WWOX: variants seen among roughly 807,000 people sequenced by gnomAD.
WWOX encodes the protein WW domain-containing oxidoreductase.
WWOX carries 69 observed loss-of-function variants against 46.2 expected under a neutral mutation model. The observed-to-expected ratio is 1.49, with a 90% CI of 1.23 to 1.82. The LOEUF is 1.82. Among genes scored for constraint, WWOX ranks in the 40% most tolerant of loss-of-function variants. The probability of loss-of-function intolerance (pLI) is 0.00; values close to 1 mark genes in which losing one functional copy is unlikely to be tolerated. For synonymous variants in WWOX, 359 were observed against 202.6 expected, an observed-to-expected ratio of 1.77 and a Z score of -6.56; for missense variants, 919 against 542.6, an observed-to-expected ratio of 1.69 and a Z score of -6.89.
chr16:78,527,600 G>A (rs925825714), intron 8 of WWOX, among the ~76,000 whole-genome samples: 2 of 152,132 alleles, frequency 1.3e-5, no homozygotes, highest in African/African-American at 4.8e-5. Flanking sequence ...AGCCAGACTT[G>A]TATCTCTTAA....
chr16:78,307,803 C>G (rs552698330), intron 5 of WWOX, among the ~76,000 whole-genome samples: 1 of 152,258 alleles, frequency 6.6e-6, no homozygotes, highest in African/African-American at 2.4e-5. Flanking sequence ...GATTGCTGCC[C>G]TCCTTGCTCT....
At chr16:78,965,501 T>C (rs192262127) in intron 8 of WWOX, among the ~76,000 whole-genome samples, 1 of 150,866 alleles carries the variant, frequency 6.6e-6, no homozygotes, top group African/African-American at 2.4e-5. Flanking sequence ...ACCCGGAAAG[T>C]AGCGGTTGCA....
intron 8 of WWOX, among the ~76,000 whole-genome samples, chr16:78,837,858 A>G (rs1410460602): frequency 6.6e-6 from 1 of 152,208 alleles, no homozygotes; most frequent in Admixed American, 6.5e-5. Flanking sequence ...TAGAAATATC[A>G]ATAAATATAA....
chr16:78,939,375 T>A (rs2045806751), intron 8 of WWOX, among the ~76,000 whole-genome samples: 1 of 152,194 alleles, frequency 6.6e-6, no homozygotes, highest in South Asian at 2.1e-4. Flanking sequence ...CTGGGATACT[T>A]TTTAGAATTT....
chr16:78,778,158 C>T (rs1211801519), intron 8 of WWOX, among the ~76,000 whole-genome samples: 1 of 151,994 alleles, frequency 6.6e-6, no homozygotes, highest in African/African-American at 2.4e-5. Context: ...CACCCCAAGT[C>T]ACACAGTTAG....
intron 8 of WWOX, among the ~76,000 whole-genome samples, chr16:78,583,028 G>C (rs1322984773): frequency 6.6e-6 from 1 of 152,194 alleles, no homozygotes; most frequent in East Asian, 1.9e-4. Flanking sequence ...AAGAGACCTA[G>C]GAATTCACAG....
chr16:78,402,370 C>G (rs1464770234), intron 6 of WWOX, among the ~76,000 whole-genome samples: 1 of 152,140 alleles, frequency 6.6e-6, no homozygotes, highest in Non-Finnish European at 1.5e-5. Flanking sequence ...ATTTGTTTAT[C>G]TGGTTGTCAG....
intron 4 of WWOX, among the ~76,000 whole-genome samples, chr16:78,127,798 T>C (rs1160197123): frequency 6.6e-6 from 1 of 152,176 alleles, no homozygotes; most frequent in African/African-American, 2.4e-5. Context: ...TGTTTGAATA[T>C]AGTTTTATTG....
intron 8 of WWOX, among the ~76,000 whole-genome samples, chr16:78,900,605 A>G (rs1039558219): frequency 6.6e-6 from 1 of 152,202 alleles, no homozygotes; most frequent in Non-Finnish European, 1.5e-5. Context: ...CCACAAAGTC[A>G]TAATCAGATA....
At chr16:78,499,483 AGATTTT>A (rs1383512528) in intron 8 of WWOX, among the ~76,000 whole-genome samples, 2 of 152,130 alleles carry the variant, frequency 1.3e-5, no homozygotes, top group African/African-American at 4.8e-5. Context: ...GGACTCATGG[AGATTTT>A]CCGTTCTTTG....
chr16:78,382,293 C>A (rs920966647), intron 5 of WWOX, among the ~76,000 whole-genome samples: 2 of 152,218 alleles, frequency 1.3e-5, no homozygotes, highest in African/African-American at 4.8e-5. Flanking sequence ...CAACACCAGT[C>A]ACTATTAAGT....
Position 78,425,271 on chromosome 16 carries a change from T to C in WWOX, c.791+216T>C, listed in dbSNP as rs191046801. ...TTTCTAGAGCAAGGAAGATTGTTTT[T>C]ACGACTATACTTCAAGCTCCTCATT... On this transcript the variant is annotated intron_variant, in intron 7 of 8. Transcript: ENST00000566780. Among the ~76,000 whole-genome samples the C allele has an allele frequency of 5.9e-5, 9 of 152,286 alleles. No individual in the cohort carries two copies. In the East Asian group the frequency reaches 1.7e-3, roughly 29 times the overall value.
At chr16:78,398,356 C>T (rs1000594388) in intron 6 of WWOX, among the ~76,000 whole-genome samples, 15 of 152,172 alleles carry the variant, frequency 9.9e-5, no homozygotes, top group African/African-American at 3.6e-4. Context: ...TGAGCCTTTG[C>T]TTGTGTGGCT....
At chr16:78,186,506 G>A (rs937327292) in intron 5 of WWOX, among the ~76,000 whole-genome samples, 1 of 152,230 alleles carries the variant, frequency 6.6e-6, no homozygotes, top group African/African-American at 2.4e-5. Context: ...CCTCATGCCT[G>A]TAATGTCAGC....
At chr16:79,037,229 C>T (rs182875328) in intron 8 of WWOX, among the ~76,000 whole-genome samples, 34 of 152,252 alleles carry the variant, frequency 2.2e-4, no homozygotes, top group African/African-American at 7.9e-4. Context: ...TTCATTTGTT[C>T]GTTCTCTCTC....
chr16:79,013,954 G>C (rs1486171471), intron 8 of WWOX, among the ~76,000 whole-genome samples: 1 of 152,168 alleles, frequency 6.6e-6, no homozygotes, highest in Non-Finnish European at 1.5e-5. Context: ...GAGGAAGAGA[G>C]GATGCTCCGC....
At chr16:78,193,101 G>C (rs752575892) in intron 5 of WWOX, among the ~76,000 whole-genome samples, 3 of 152,214 alleles carry the variant, frequency 2.0e-5, no homozygotes, top group Non-Finnish European at 4.4e-5. Context: ...GGCCTGCAGA[G>C]GGCAAAACCT....
In WWOX at chr16:78,127,161, T is replaced by C. The variant is rs56333167; in HGVS notation, c.409+12007T>C. On this transcript the variant is annotated intron_variant, in intron 4 of 8. Coordinates refer to ENST00000566780, the MANE Select transcript of WWOX (RefSeq NM_016373.4). ...AAGTTACTTTCCTTCTCAGAACTCC[T>C]GTTCCACCTCTGTGCAATATGGACA... 3.9e-3 allele frequency among the ~76,000 whole-genome samples: 590 copies of C among 152,302 alleles called. 4 individuals carry two copies. The highest frequency in any genetic ancestry group is 0.013 in the African/African-American group (560 of 41,566).
intron 6 of WWOX, among the ~76,000 whole-genome samples, chr16:78,411,993 T>G (rs1433401365): frequency 6.6e-6 from 1 of 152,172 alleles, no homozygotes. Flanking sequence ...TGGTCCTCCT[T>G]GTCAACAGAG....
Sources: gnomAD v4.1 joint callset for allele counts (sites outside exome capture counted in the v4.1 genomes callset) on GRCh38, gnomAD v4.1.1 for gene constraint, MANE v1.5 for transcripts, NCBI Gene and HGNC (gene_info 2026-07-23, HGNC 2026-07-21) for gene names.